SERPINH1: variants seen among roughly 807,000 people sequenced by gnomAD.
SERPINH1 encodes the protein serpin family H member 1, also known as serpin H1.
In SERPINH1, 22 loss-of-function variants were observed where a neutral mutation model predicts 32.3. That is an observed-to-expected ratio of 0.68 (90% CI 0.49 to 0.97). The LOEUF is 0.97. SERPINH1 is among the 50% of genes least tolerant of loss of function. The pLI is 0.00. For synonymous variants in SERPINH1, 251 were observed against 245.9 expected (o/e 1.02, Z -0.19); for missense variants, 543 against 576.4 (o/e 0.94, Z 0.59).
chr11:75,566,765 C>T lies in SERPINH1; in HGVS notation c.416C>T (p.Ser139Leu), dbSNP rs757639350. ...GGCAGCCGACTGTACGGACCCAGCT[C>T]AGTGAGCTTCGCTGATGACTTCGTG... ...KLGSRLYGPS[S>L]VSFADDFVRS... The change falls in exon 2 of 5, where the codon TCA (serine) becomes TTA (leucine). Residue 139 changes from serine to leucine, a missense_variant. Ser to Leu is a moderately radical substitution (Grantham distance 145, BLOSUM62 -2). Coordinates refer to ENST00000358171, the MANE Select transcript of SERPINH1 (RefSeq NM_001235.5). The T allele has an allele frequency of 6.2e-7, 1 of 1,613,244 alleles. No individual in the cohort carries two copies. Among genetic ancestry groups the T allele is most frequent in the Non-Finnish European group, 8.5e-7 (1 of 1,179,952 alleles).
At chr11:75,568,689 G>T (rs777193859) in intron 2 of SERPINH1, 42 bp from the exon 3 acceptor site, 15 of 1,335,228 alleles carry the variant, frequency 1.1e-5, no homozygotes, top group Non-Finnish European at 1.1e-6. Flanking sequence ...GTGTTTGGGG[G>T]CGGCCATGTG....
At chr11:75,570,146 G>A (rs891490702) in intron 4 of SERPINH1, among the ~76,000 whole-genome samples, 9 of 151,998 alleles carry the variant, frequency 5.9e-5, no homozygotes, top group South Asian at 2.1e-4. Flanking sequence ...CATAATAGCC[G>A]CCTTTTTGTC....
In SERPINH1 at chr11:75,568,724, A is replaced by G. The variant is rs1250658496; in HGVS notation, c.623-7A>G. ...GTCTCTGACCCTGTGTTTTGCCCCA[A>G]CTACAGCACACTGGGATGAGAAATT... On this transcript the variant is annotated splice_region_variant and splice_polypyrimidine_tract_variant and intron_variant, in intron 2 of 4. Coordinates refer to ENST00000358171, the MANE Select transcript of SERPINH1 (RefSeq NM_001235.5). The G allele has an allele frequency of 6.2e-7, 1 of 1,608,592 alleles. No homozygotes were observed. Among genetic ancestry groups the G allele is most frequent in the South Asian group, 1.1e-5 (1 of 90,942 alleles).
At chr11:75,565,913 CCT>C (rs1555025807) in intron 1 of SERPINH1, among the ~76,000 whole-genome samples, 1 of 152,160 alleles carries the variant, frequency 6.6e-6, no homozygotes, top group Non-Finnish European at 1.5e-5. Flanking sequence ...GCCAAGTGAC[CCT>C]GTTTTACCTT....
intron 1 of SERPINH1, among the ~76,000 whole-genome samples, chr11:75,564,256 T>C (rs615896): frequency 0.33 from 50,971 of 152,170 alleles, 8,782 homozygotes; most frequent in South Asian, 0.49. Context: ...GCTAAGCTGC[T>C]GCGGGCCTAG....
At chr11:75,567,237 G>A (rs946440260) in intron 2 of SERPINH1, among the ~76,000 whole-genome samples, 3 of 152,232 alleles carry the variant, frequency 2.0e-5, no homozygotes, top group Admixed American at 6.5e-5. Context: ...CAAAGTGCTC[G>A]TCCTTGTGTA....
At chr11:75,568,337 T>A (rs1339705559) in intron 2 of SERPINH1, 6 of 333,986 alleles carry the variant, frequency 1.8e-5, no homozygotes, top group Non-Finnish European at 2.9e-5. Flanking sequence ...CATGGGGCAC[T>A]CCCTGCCCAG....
Position 75,568,730 on chromosome 11 carries a change from G to A in SERPINH1, c.623-1G>A, listed in dbSNP as rs750282634. On this transcript the variant is annotated splice_acceptor_variant, in intron 2 of 4. Coordinates refer to ENST00000358171, the MANE Select transcript of SERPINH1 (RefSeq NM_001235.5). LOFTEE classifies it high-confidence loss of function. ...GACCCTGTGTTTTGCCCCAACTACA[G>A]CACACTGGGATGAGAAATTCCACCA... 6.2e-7 allele frequency: 1 copy of A among 1,611,040 alleles called. No individual in the cohort carries two copies. The highest frequency in any genetic ancestry group is 8.5e-7 in the Non-Finnish European group (1 of 1,178,384).
At chr11:75,563,311 A>G (rs968348488) in intron 1 of SERPINH1, 1 of 152,408 alleles carries the variant, frequency 6.6e-6, no homozygotes, top group Non-Finnish European at 1.5e-5. Flanking sequence ...CCTGAGGAAA[A>G]TGAGGGGGCT....
At position 75,566,357 on chromosome 11, in the gene SERPINH1, C is replaced by G; in HGVS notation, c.8C>G (p.Ser3Cys). 6.2e-7 allele frequency: 1 copy of G among 1,609,140 alleles called. No individual in the cohort carries two copies. Among genetic ancestry groups the G allele is most frequent in the Non-Finnish European group, 8.5e-7 (1 of 1,178,508 alleles). Reference protein sequence around the residue: MRSLLLLSAFCLL... With the variant: MRCLLLLSAFCLL... Reference sequence around the variant, plus strand: ...GCAAACCACTTCCTGGCCATGCGCTCCCTCCTGCTTCTCAGCGCCTTCTGC... The same window carrying G: ...GCAAACCACTTCCTGGCCATGCGCTGCCTCCTGCTTCTCAGCGCCTTCTGC... The change falls in exon 2 of 5, where the codon TCC (serine) becomes TGC (cysteine). Residue 3 changes from serine to cysteine, a missense_variant. Transcript: ENST00000358171.
chr11:75,572,456 G>A lies in SERPINH1; in HGVS notation c.*373G>A, dbSNP rs1279583483. 4 of 344,366 alleles carry A rather than the reference G, an allele frequency of 1.2e-5. No homozygotes were observed. Among genetic ancestry groups the A allele is most frequent in the Non-Finnish European group, 1.7e-5 (3 of 177,138 alleles). 21.3% of individuals were successfully genotyped at this position (344,366 alleles called of 1,614,324 possible). On this transcript the variant is annotated 3_prime_UTR_variant, in exon 5 of 5. Coordinates refer to ENST00000358171, the MANE Select transcript of SERPINH1 (RefSeq NM_001235.5). ...TAGGGGGGTCAGCCAGCCCTCTTCT[G>A]ACACTAAAACACCTCAGCTGCCTCC...
Position 75,562,262 on chromosome 11 carries a change from A to G in SERPINH1, c.-92A>G, listed in dbSNP as rs1346827804. ...AGCAGGGGAGCGGGCTAAGAGTAGA[A>G]TCGTGTCGCGGCTCGAGAGCGAGAG... On this transcript the variant is annotated 5_prime_UTR_variant, in exon 1 of 5. Transcript: ENST00000358171. 6.6e-6 allele frequency: 1 copy of G among 151,972 alleles called. No homozygotes were observed. Among genetic ancestry groups the G allele is most frequent in the Non-Finnish European group, 1.5e-5 (1 of 68,022 alleles). 9.4% of individuals were successfully genotyped at this position (151,972 alleles called of 1,614,324 possible).
At chr11:75,568,305 TAA>T (rs10711399) in intron 2 of SERPINH1, 23 of 263,316 alleles carry the variant, frequency 8.7e-5, no homozygotes, top group South Asian at 2.8e-4. Flanking sequence ...AAGAAAAAGA[TAA>T]AAAAAAAATT....
chr11:75,572,161 G>T lies in SERPINH1; in HGVS notation c.*78G>T. 7.0e-7 allele frequency: 1 copy of T among 1,428,766 alleles called. No homozygotes were observed. The highest frequency in any genetic ancestry group is 9.7e-7 in the Non-Finnish European group (1 of 1,026,254). 88.5% of individuals were successfully genotyped at this position (1,428,766 alleles called of 1,614,324 possible). On this transcript the variant is annotated 3_prime_UTR_variant, in exon 5 of 5. Coordinates refer to ENST00000358171, the MANE Select transcript of SERPINH1 (RefSeq NM_001235.5). The stretch of plus-strand genomic sequence containing the variant: ...CATGGGTGCTATTGGGGTTGGGGGG[G>T]AGGTGAGGTACCAGCCTTGGATACT...
rs761198901 is a variant in SERPINH1 at position 75,572,011 on chromosome 11, C to G, written c.1185C>G (p.Thr395=). 1.2e-6 allele frequency: 2 copies of G among 1,614,186 alleles called. No individual in the cohort carries two copies. Among genetic ancestry groups the G allele is most frequent in the Non-Finnish European group, 1.7e-6 (2 of 1,180,040 alleles). The change falls in exon 5 of 5, where the codon ACC becomes ACG. Residue 395 remains threonine, a synonymous_variant. Coordinates refer to ENST00000358171, the MANE Select transcript of SERPINH1 (RefSeq NM_001235.5). ...DHPFIFLVRD[T]QSGSLLFIGR... ...CCTTCATCTTCCTAGTGCGGGACAC[C>G]CAAAGCGGCTCCCTGCTATTCATTG...
Position 75,572,177 on chromosome 11 carries a change from C to A in SERPINH1, c.*94C>A. On this transcript the variant is annotated 3_prime_UTR_variant, in exon 5 of 5. Transcript: ENST00000358171. ...GTTGGGGGGGAGGTGAGGTACCAGC[C>A]TTGGATACTCCATGGGGTGGGGGTG... 8 of 1,221,090 alleles carry A rather than the reference C, an allele frequency of 6.6e-6. No individual in the cohort carries two copies. Among genetic ancestry groups the A allele is most frequent in the Non-Finnish European group, 9.4e-6 (8 of 847,486 alleles). The allele number at this position is 1,221,090 out of a possible 1,614,324, so 75.6% of individuals were successfully genotyped here. A position where few individuals can be genotyped will look rare whatever the true frequency, so the allele number is the denominator to read the frequency against.
At chr11:75,566,164 G>C (rs1942067861) in intron 1 of SERPINH1, among the ~76,000 whole-genome samples, 152 bp from the exon 2 acceptor site, 1 of 152,232 alleles carries the variant, frequency 6.6e-6, no homozygotes, top group African/African-American at 2.4e-5. Context: ...CCTCTGAGAG[G>C]CTGGCAGCTC....
intron 1 of SERPINH1, among the ~76,000 whole-genome samples, chr11:75,564,510 C>T (rs535848464): frequency 6.6e-6 from 1 of 152,264 alleles, no homozygotes; most frequent in South Asian, 2.1e-4. Context: ...TGGCCATATG[C>T]CTATTGTCCT....
At chr11:75,565,085 C>T (rs955044420) in intron 1 of SERPINH1, among the ~76,000 whole-genome samples, 10 of 152,294 alleles carry the variant, frequency 6.6e-5, no homozygotes, top group African/African-American at 2.2e-4. Context: ...GATAATGGCC[C>T]GAAGGGAGAG....
Sources: allele counts gnomAD v4.1 joint callset (sites outside exome capture counted in the v4.1 genomes callset), GRCh38; gene constraint gnomAD v4.1.1; transcripts MANE v1.5; gene names NCBI Gene and HGNC (gene_info 2026-07-23, HGNC 2026-07-21).